Variants in WASHC4 observed in about 807,000 individuals in gnomAD.
WASHC4 encodes WASH complex subunit 4.
In WASHC4, 86 loss-of-function variants were observed where a neutral mutation model predicts 166.6. That is an observed-to-expected ratio of 0.52 (90% CI 0.43 to 0.62). The LOEUF is 0.62. Among genes scored for constraint, WASHC4 ranks in the 20% least tolerant of loss-of-function variants. The pLI is 0.00. For synonymous variants in WASHC4, 446 were observed against 451.6 expected, an observed-to-expected ratio of 0.99 and a Z score of 0.16; for missense variants, 1,262 against 1,382.4, an observed-to-expected ratio of 0.91 and a Z score of 1.38.
chr12:105,120,087 CAAAACAAA>C (rs1199498340), intron 7 of WASHC4, among the ~76,000 whole-genome samples: 5 of 152,050 alleles, frequency 3.3e-5, no homozygotes, highest in African/African-American at 1.2e-4. Flanking sequence ...AAAAACAAAA[CAAAACAAA>C]AAAACAAAAG....
intron 2 of WASHC4, among the ~76,000 whole-genome samples, chr12:105,112,009 C>T (rs1469415845): frequency 6.6e-6 from 1 of 152,110 alleles, no homozygotes; most frequent in East Asian, 1.9e-4. Context: ...GTTCTCAGCC[C>T]CCAAAAAAGA....
chr12:105,148,540 T>A, intron 24 of WASHC4: 1 of 985,330 alleles, frequency 1.0e-6, no homozygotes, highest in Non-Finnish European at 1.2e-6. Context: ...GAAATCAGGA[T>A]GGCAGAATAG....
intron 25 of WASHC4, among the ~76,000 whole-genome samples, chr12:105,150,456 CT>C (rs1883652547): frequency 6.6e-6 from 1 of 152,186 alleles, no homozygotes; most frequent in African/African-American, 2.4e-5. Context: ...TCCAAAAACA[CT>C]TCACTATTGA....
intron 26 of WASHC4, among the ~76,000 whole-genome samples, chr12:105,152,872 T>C (rs1387980308): frequency 6.6e-6 from 1 of 152,222 alleles, no homozygotes; most frequent in Non-Finnish European, 1.5e-5. Context: ...CCATTTTACT[T>C]GTGCATATAA....
intron 15 of WASHC4, among the ~76,000 whole-genome samples, chr12:105,138,360 TAAAAAA>T (rs200705849): frequency 1.4e-5 from 2 of 145,332 alleles, no homozygotes; most frequent in Non-Finnish European, 1.5e-5. Context: ...TTGCATGAGT[TAAAAAA>T]AAAAAAAACA....
intron 32 of WASHC4, 100 bp downstream of exon 32, chr12:105,164,840 T>G: frequency 1.2e-6 from 1 of 802,570 alleles, no homozygotes; most frequent in South Asian, 1.6e-5. Context: ...TCTTTGTCCT[T>G]TTGGAAAATA....
chr12:105,149,335 C>G lies in WASHC4; in HGVS notation c.2515-280C>G. 3 of 1,020,996 alleles carry G rather than the reference C, an allele frequency of 2.9e-6. No individual in the cohort carries two copies. In the South Asian group the frequency reaches 1.1e-4, roughly 38 times the overall value. 63.2% of individuals were successfully genotyped at this position (1,020,996 alleles called of 1,614,324 possible). On this transcript the variant is annotated intron_variant, in intron 24 of 32. Coordinates refer to ENST00000332180, the MANE Select transcript of WASHC4 (RefSeq NM_015275.3). ...CTTGAGTCTGGTTTTGTGATTCTCA[C>G]TACAGCCCTTAGTCCTATCATGAGA...
At chr12:105,136,146 G>C (rs533271387) in intron 14 of WASHC4, among the ~76,000 whole-genome samples, 1 of 152,106 alleles carries the variant, frequency 6.6e-6, no homozygotes, top group East Asian at 1.9e-4. Context: ...TTACTTTTTT[G>C]GGGGGTTATC....
chr12:105,164,506 T>C (rs768934266), intron 31 of WASHC4, 135 bp from the exon 32 acceptor site: 1 of 820,398 alleles, frequency 1.2e-6, no homozygotes, highest in South Asian at 1.6e-5. Context: ...GGGTTACTTA[T>C]TTCAGTTTCT....
chr12:105,162,301 G>T (rs1884545905), intron 29 of WASHC4, among the ~76,000 whole-genome samples: 1 of 152,220 alleles, frequency 6.6e-6, no homozygotes, highest in African/African-American at 2.4e-5. Context: ...TTAGGTAGGT[G>T]TAAGTAAGGA....
chr12:105,107,970 CG>C (rs1879240483), intron 1 of WASHC4, 109 bp downstream of exon 1: 1 of 828,824 alleles, frequency 1.2e-6, no homozygotes, highest in East Asian at 2.7e-5. Flanking sequence ...CCGTCTGGTG[CG>C]GGACACTTCA....
rs755195158 is a variant in WASHC4 at position 105,126,144 on chromosome 12, T to C, written c.910+17T>C. Reference sequence around the variant, plus strand: ...CCAAACTTGGTAATGTAAATCGCATTTTTTGGTTTTTGTTTATAAAATTTG... The same window carrying C: ...CCAAACTTGGTAATGTAAATCGCATCTTTTGGTTTTTGTTTATAAAATTTG... On this transcript the variant is annotated intron_variant, in intron 11 of 32. Transcript: ENST00000332180. The C allele has an allele frequency of 6.2e-7, 1 of 1,612,804 alleles. No homozygotes were observed. The highest frequency in any genetic ancestry group is 8.5e-7 in the Non-Finnish European group (1 of 1,179,262).
At chr12:105,138,797 G>A (rs1299393555) in intron 15 of WASHC4, among the ~76,000 whole-genome samples, 2 of 152,092 alleles carry the variant, frequency 1.3e-5, no homozygotes, top group African/African-American at 4.8e-5. Flanking sequence ...TATAAATACA[G>A]ACAAGTATAT....
intron 17 of WASHC4, 59 bp downstream of exon 17, chr12:105,141,104 T>C: frequency 6.2e-7 from 1 of 1,610,698 alleles, no homozygotes; most frequent in Non-Finnish European, 8.5e-7. Flanking sequence ...CACAGTTCCC[T>C]TGTTACTGAC....
At chr12:105,120,082 C>T (rs1565996869) in intron 7 of WASHC4, among the ~76,000 whole-genome samples, 2 of 151,914 alleles carry the variant, frequency 1.3e-5, no homozygotes, top group African/African-American at 2.4e-5. Flanking sequence ...AAAGGAAAAA[C>T]AAAACAAAAC....
intron 2 of WASHC4, among the ~76,000 whole-genome samples, chr12:105,112,188 T>C (rs909929761): frequency 6.6e-6 from 1 of 151,822 alleles, no homozygotes; most frequent in Non-Finnish European, 1.5e-5. Flanking sequence ...CTTTAACTTA[T>C]GTTTTCAAGG....
rs1880398314 is a variant in WASHC4 at position 105,118,453 on chromosome 12, C to G, written c.443C>G (p.Ser148Cys). The G allele has an allele frequency of 6.2e-7, 1 of 1,611,844 alleles. No homozygotes were observed. Among genetic ancestry groups the G allele is most frequent in the Non-Finnish European group, 8.5e-7 (1 of 1,178,026 alleles). ...GRFISFLQEL[S>C]CFVTRCYEVV... The stretch of plus-strand genomic sequence containing the variant: ...CCCACCTTCTCGTTTCAGGAACTGT[C>G]TTGCTTTGTTACGAGGTGCTATGAA... The change falls in exon 7 of 33, where the codon TCT becomes TGT. Residue 148 changes from serine (S) to cysteine (C), a missense_variant. Physicochemically the swap from Ser to Cys is moderately radical, Grantham distance 112 (BLOSUM62 -1). Transcript: ENST00000332180.
intron 24 of WASHC4, chr12:105,149,192 A>T: frequency 4.1e-6 from 4 of 985,380 alleles, no homozygotes; most frequent in Non-Finnish European, 3.6e-6. Context: ...AGGAAGGTTC[A>T]GAGAACACCA....
At chr12:105,129,041 G>T (rs747652350) in intron 13 of WASHC4, among the ~76,000 whole-genome samples, 1 of 151,790 alleles carries the variant, frequency 6.6e-6, no homozygotes, top group South Asian at 2.1e-4. Flanking sequence ...CGCCTCCTGG[G>T]TTCATGTGAT....
Sources: gnomAD v4.1 joint callset for allele counts (sites outside exome capture counted in the v4.1 genomes callset) on GRCh38, gnomAD v4.1.1 for gene constraint, MANE v1.5 for transcripts, NCBI Gene and HGNC (gene_info 2026-07-23, HGNC 2026-07-21) for gene names.